Variants in NMI observed in about 807,000 individuals in gnomAD.
The protein encoded by NMI is N-myc and STAT interactor.
A neutral mutation model predicts 34.3 loss-of-function variants in NMI; 39 were observed. The ratio of observed to expected loss-of-function variants is 1.14; its 90% confidence interval spans 0.88 to 1.49. The LOEUF (loss-of-function observed/expected upper bound fraction) is 1.49, where lower values mean the gene tolerates loss of function less well. NMI is among the 40% of genes most tolerant of loss of function. NMI has a pLI of 0.00. For missense variants in NMI, 339 were observed against 358.1 expected, an observed-to-expected ratio of 0.95 and a Z score of 0.43; for synonymous variants, 113 against 120.3, an observed-to-expected ratio of 0.94 and a Z score of 0.40.
rs1436055447 is a variant in NMI, at chr2:151,289,146, G to C, written c.-7+447C>G. ...GCCTGTAGTCCCAGCTACTCTACTCGGGAGGCTGAGGCTGGAGAATGGCGT... is the reference window on the plus strand; with the variant it reads ...GCCTGTAGTCCCAGCTACTCTACTCCGGAGGCTGAGGCTGGAGAATGGCGT... On this transcript the variant is annotated intron_variant, in intron 1 of 7. Transcript: ENST00000243346. The C allele has an allele frequency of 4.0e-5, 6 of 151,354 alleles. No individual in the cohort carries two copies. The East Asian group carries it at 7.8e-4, about 20-fold the overall frequency. 9.4% of individuals were successfully genotyped at this position (151,354 alleles called of 1,614,324 possible).
intron 4 of NMI, among the ~76,000 whole-genome samples, 190 bp from the exon 5 acceptor site, chr2:151,276,054 G>A (rs1343184534): frequency 6.6e-6 from 1 of 152,020 alleles, no homozygotes; most frequent in Non-Finnish European, 1.5e-5. Flanking sequence ...ATATAATTTG[G>A]GGGGTCAGGG....
At chr2:151,283,209 T>G (rs1224035436) in intron 1 of NMI, among the ~76,000 whole-genome samples, 6 of 152,030 alleles carry the variant, frequency 3.9e-5, no homozygotes, top group Admixed American at 6.6e-5. Context: ...GGTGCGATCT[T>G]GGCTCACTGC....
At chr2:151,283,236 G>C (rs1190185959) in intron 1 of NMI, among the ~76,000 whole-genome samples, 1 of 151,894 alleles carries the variant, frequency 6.6e-6, no homozygotes, top group Admixed American at 6.6e-5. Context: ...TGCCTCCCAG[G>C]TTCAAGTGAT....
chr2:151,277,455 A>G (rs2105205696), intron 4 of NMI: 1 of 152,300 alleles, frequency 6.6e-6, no homozygotes, highest in South Asian at 2.1e-4. Context: ...TTGTGTTTCA[A>G]ACCTACTGCT....
chr2:151,271,881 C>G, intron 6 of NMI, 149 bp from the exon 7 acceptor site: 1 of 564,428 alleles, frequency 1.8e-6, no homozygotes, highest in Non-Finnish European at 3.1e-6. Context: ...ACTTTGAAGA[C>G]TTCACAGTAC....
intron 7 of NMI, among the ~76,000 whole-genome samples, chr2:151,271,425 G>C (rs774025137): frequency 6.6e-6 from 1 of 152,142 alleles, no homozygotes; most frequent in Non-Finnish European, 1.5e-5. Context: ...TTTAAAAATT[G>C]TATAATAAAG....
In NMI at chr2:151,282,901, C is replaced by T. The variant is rs148602363; in HGVS notation, c.48G>A (p.Ser16=). 24 of 1,533,856 alleles carry T rather than the reference C, an allele frequency of 1.6e-5. No homozygotes were observed. The Admixed American group carries it at 2.5e-4, about 16-fold the overall frequency. ...DDTQQILKEH[S]PDEFIKDEQN... ...GTTCATCTTTTATAAATTCATCTGG[C>T]GAATGCTCCTTAAGAATTTGTTGTG... The change falls in exon 2 of 8, where the codon TCG becomes TCA. Residue 16 remains serine (S), a synonymous_variant. Coordinates refer to ENST00000243346, the MANE Select transcript of NMI (RefSeq NM_004688.3).
At chr2:151,273,812 G>A (rs1405251744) in intron 6 of NMI, among the ~76,000 whole-genome samples, 1 of 152,190 alleles carries the variant, frequency 6.6e-6, no homozygotes, top group African/African-American at 2.4e-5. Flanking sequence ...ATGAGCCACT[G>A]CGCCTGGCCA....
chr2:151,282,811 T>G (rs1264727952), intron 2 of NMI, 57 bp downstream of exon 2: 1 of 947,334 alleles, frequency 1.1e-6, no homozygotes, highest in Non-Finnish European at 1.6e-6. Context: ...CATGCCTTAC[T>G]GCAAAACTAA....
At chr2:151,277,639 G>C (rs1212546661) in intron 4 of NMI, 1 of 152,130 alleles carries the variant, frequency 6.6e-6, no homozygotes, top group Non-Finnish European at 1.5e-5. Context: ...TCGCCAGTAT[G>C]AGTCCTGGAC....
chr2:151,285,804 T>G (rs914104921), intron 1 of NMI, among the ~76,000 whole-genome samples: 1 of 151,996 alleles, frequency 6.6e-6, no homozygotes, highest in Admixed American at 6.6e-5. Context: ...AAAACCAGGA[T>G]AGAAAAACTG....
At chr2:151,281,047 C>A (rs907215306) in intron 3 of NMI, among the ~76,000 whole-genome samples, 4 of 152,060 alleles carry the variant, frequency 2.6e-5, no homozygotes, top group African/African-American at 7.2e-5. Flanking sequence ...ACCATCTTAG[C>A]CAGGCTGGTC....
chr2:151,274,075 G>A (rs191214850), intron 6 of NMI, among the ~76,000 whole-genome samples: 27 of 151,970 alleles, frequency 1.8e-4, no homozygotes, highest in Admixed American at 4.6e-4. Context: ...AGGAGCGGCG[G>A]CTCATGCTTG....
At chr2:151,278,746 G>C (rs1403368286) in intron 4 of NMI, 82 bp downstream of exon 4, 7 of 1,019,264 alleles carry the variant, frequency 6.9e-6, no homozygotes, top group Non-Finnish European at 9.0e-6. Context: ...TATAAGTGAA[G>C]TAATATTAGC....
rs114946092 is a variant in NMI at position 151,281,685 on chromosome 2, A to C, written c.177+263T>G. Among the ~76,000 whole-genome samples, 389 of 152,282 alleles carry C rather than the reference A, an allele frequency of 2.6e-3. 1 individual carries two copies. Among genetic ancestry groups the C allele is most frequent in the African/African-American group, 8.8e-3 (366 of 41,552 alleles). Reference sequence around the variant, plus strand: ...TTTTTGTGTTAACATTGTGTTTATGAAACTCATTTGTGTTGCTGCATGTCA... The same window carrying C: ...TTTTTGTGTTAACATTGTGTTTATGCAACTCATTTGTGTTGCTGCATGTCA... On this transcript the variant is annotated intron_variant, in intron 3 of 7. Transcript: ENST00000243346.
In NMI at chr2:151,285,390, GATAGATAGATAGATAA is replaced by G. The variant is rs1201095679; in HGVS notation, c.-6-2452_-6-2437del. ...AGATAGATAGATAGATAGATAGATA[GATAGATAGATAGATAA>G]ATAGACAGACAGATAGAAATACCTA... On this transcript the variant is annotated intron_variant, in intron 1 of 7. Transcript: ENST00000243346. Among the ~76,000 whole-genome samples the G allele has an allele frequency of 1.3e-3, 188 of 148,414 alleles. 1 individual carries two copies. Among genetic ancestry groups the G allele is most frequent in the African/African-American group, 4.5e-3 (176 of 38,728 alleles).
At position 151,271,751 on chromosome 2, in the gene NMI, C is replaced by T. The variant is rs758210127; in HGVS notation, c.635-19G>A. The T allele has an allele frequency of 8.5e-7, 1 of 1,181,608 alleles. No individual in the cohort carries two copies. Among genetic ancestry groups the T allele is most frequent in the Non-Finnish European group, 1.3e-6 (1 of 798,714 alleles). 73.2% of individuals were successfully genotyped at this position (1,181,608 alleles called of 1,614,324 possible). A position where few individuals can be genotyped will look rare whatever the true frequency, so the allele number is the denominator to read the frequency against. On this transcript the variant is annotated intron_variant, in intron 6 of 7. Transcript: ENST00000243346. ...TCAGCCACTAAAAGCAAAACAAAAA[C>T]AATACTTGTCTTTTTTATATCATAA...
chr2:151,288,128 T>C (rs903284368), intron 1 of NMI, among the ~76,000 whole-genome samples: 1 of 152,184 alleles, frequency 6.6e-6, no homozygotes, highest in African/African-American at 2.4e-5. Flanking sequence ...GGCAAAACAA[T>C]GGCTCCCTCA....
intron 1 of NMI, among the ~76,000 whole-genome samples, chr2:151,286,387 G>A (rs901467306): frequency 1.3e-5 from 2 of 152,118 alleles, no homozygotes; most frequent in Non-Finnish European, 2.9e-5. Context: ...GGAGACTAAA[G>A]AGACCTCACA....
Sources: allele counts gnomAD v4.1 joint callset (sites outside exome capture counted in the v4.1 genomes callset), GRCh38; gene constraint gnomAD v4.1.1; transcripts MANE v1.5; gene names NCBI Gene and HGNC (gene_info 2026-07-23, HGNC 2026-07-21).